Variants in DOCK2 observed in about 807,000 individuals in gnomAD.
DOCK2 encodes the protein dedicator of cytokinesis protein 2.
A neutral mutation model predicts 248.9 loss-of-function variants in DOCK2; 87 were observed. That is an observed-to-expected ratio of 0.35 (90% CI 0.29 to 0.42). The LOEUF (loss-of-function observed/expected upper bound fraction) is 0.42. Among genes scored for constraint, DOCK2 ranks in the 10% least tolerant of loss-of-function variants. The probability of loss-of-function intolerance (pLI) is 1.00; values close to 1 mark genes in which losing one functional copy is unlikely to be tolerated. For missense variants in DOCK2, 1,747 were observed against 2,300.2 expected (o/e 0.76, Z 4.92); for synonymous variants, 805 against 821.6 (o/e 0.98, Z 0.35).
At chr5:169,936,153 C>T (rs1006238724) in intron 27 of DOCK2, among the ~76,000 whole-genome samples, 1 of 152,134 alleles carries the variant, frequency 6.6e-6, no homozygotes, top group Non-Finnish European at 1.5e-5. Flanking sequence ...AGATGGAGAA[C>T]AAAATCAACA....
intron 5 of DOCK2, among the ~76,000 whole-genome samples, chr5:169,673,176 A>G (rs897796626): frequency 5.3e-5 from 8 of 151,710 alleles, no homozygotes; most frequent in African/African-American, 1.9e-4. Flanking sequence ...TAATCATGTG[A>G]TTGGGGGTTT....
chr5:169,987,798 C>G (rs1428421134), intron 29 of DOCK2, among the ~76,000 whole-genome samples: 1 of 152,162 alleles, frequency 6.6e-6, no homozygotes, highest in Non-Finnish European at 1.5e-5. Context: ...ATTTGTATCT[C>G]TTAAGGGTCA....
chr5:169,837,295 A>G (rs1322681700), intron 26 of DOCK2, among the ~76,000 whole-genome samples: 1 of 152,216 alleles, frequency 6.6e-6, no homozygotes, highest in Non-Finnish European at 1.5e-5. Context: ...CCCAGAAGTC[A>G]CTTTCCTAGA....
chr5:169,673,986 T>C (rs1273004502), intron 5 of DOCK2, among the ~76,000 whole-genome samples: 1 of 152,214 alleles, frequency 6.6e-6, no homozygotes, highest in Non-Finnish European at 1.5e-5. Context: ...CTCTGGGACC[T>C]CCATTAGGGC....
At chr5:169,672,191 A>G (rs112895428) in intron 5 of DOCK2, among the ~76,000 whole-genome samples, 1,721 of 151,902 alleles carry the variant, frequency 0.011, 31 homozygotes, top group African/African-American at 0.038. Flanking sequence ...TATTTTTAGT[A>G]GAGATGGGGT....
chr5:169,907,115 A>G (rs995452324), intron 27 of DOCK2, among the ~76,000 whole-genome samples: 4 of 152,144 alleles, frequency 2.6e-5, no homozygotes, highest in East Asian at 1.9e-4. Context: ...GTTGAAATCA[A>G]TCGAAAGATA....
chr5:169,869,342 A>G (rs1387232119), intron 27 of DOCK2, among the ~76,000 whole-genome samples: 4 of 152,222 alleles, frequency 2.6e-5, no homozygotes, highest in African/African-American at 7.2e-5. Flanking sequence ...GTCTTGAACA[A>G]TTTAAAGGGG....
rs147728151 is a variant in DOCK2 at position 169,915,069 on chromosome 5, A to G, written c.2800-67999A>G. Among the ~76,000 whole-genome samples the G allele has an allele frequency of 1.1e-4, 17 of 152,342 alleles. 1 individual carries two copies. In the East Asian group the frequency reaches 3.3e-3, roughly 29 times the overall value. ...GACCAGCTGTCTTCACCCCAGAGCC[A>G]CTTAGAATCAATTCTAGGCCTTGAT... On this transcript the variant is annotated intron_variant, in intron 27 of 51. Transcript: ENST00000520908.
chr5:169,908,045 C>T (rs917991877), intron 27 of DOCK2, among the ~76,000 whole-genome samples: 8 of 152,160 alleles, frequency 5.3e-5, no homozygotes, highest in African/African-American at 1.9e-4. Context: ...TGTGATGGAA[C>T]AATTTAGATC....
intron 29 of DOCK2, among the ~76,000 whole-genome samples, chr5:169,988,234 T>C (rs1778118935): frequency 6.6e-6 from 1 of 152,308 alleles, no homozygotes. Context: ...ACATGAAATG[T>C]TCTCACTATT....
intron 14 of DOCK2, among the ~76,000 whole-genome samples, chr5:169,707,508 T>A (rs1761339088): frequency 2.0e-5 from 3 of 152,226 alleles, no homozygotes. Flanking sequence ...CATGACGTGT[T>A]CCCTAATGTT....
At chr5:169,852,499 G>C (rs1289065851) in intron 27 of DOCK2, among the ~76,000 whole-genome samples, 1 of 152,188 alleles carries the variant, frequency 6.6e-6, no homozygotes, top group Non-Finnish European at 1.5e-5. Context: ...TCCTCAAGAA[G>C]GGAGGAGGTC....
At chr5:170,073,549 A>G (rs910674809) in intron 46 of DOCK2, among the ~76,000 whole-genome samples, 1 of 152,226 alleles carries the variant, frequency 6.6e-6, no homozygotes, top group South Asian at 2.1e-4. Flanking sequence ...GAGAATGGCT[A>G]TCTTCTCATC....
intron 2 of DOCK2, among the ~76,000 whole-genome samples, chr5:169,668,263 C>T (rs757538844): frequency 6.6e-6 from 1 of 152,156 alleles, no homozygotes. Context: ...TTCCAACCTC[C>T]CTTTCTTCCT....
chr5:169,785,733 G>A (rs1447363630), intron 25 of DOCK2, among the ~76,000 whole-genome samples: 1 of 152,140 alleles, frequency 6.6e-6, no homozygotes, highest in Non-Finnish European at 1.5e-5. Context: ...TTATGGTTTG[G>A]CTAAGATGAG....
chr5:169,816,984 C>T (rs756544583), intron 26 of DOCK2, among the ~76,000 whole-genome samples: 1 of 152,162 alleles, frequency 6.6e-6, no homozygotes, highest in Non-Finnish European at 1.5e-5. Context: ...GTTTGGCTTG[C>T]AGAATTATTT....
rs1399738277 is a variant in DOCK2, at chr5:169,698,390, C to T, written c.996C>T (p.Asp332=). The T allele has an allele frequency of 1.2e-6, 2 of 1,614,042 alleles. No individual in the cohort carries two copies. The highest frequency in any genetic ancestry group is 8.5e-7 in the Non-Finnish European group (1 of 1,179,894). The change falls in exon 11 of 52, where the codon GAC becomes GAT. Residue 332 remains aspartate (D), a synonymous_variant. Coordinates refer to ENST00000520908, the MANE Select transcript of DOCK2 (RefSeq NM_004946.3). ...PFGVAVMDIT[D]IIKGKAESDE... ...TCTTTCTAGTTATGGATATAACAGA[C>T]ATCATCAAGGGGAAAGCAGAGAGTG...
intron 23 of DOCK2, among the ~76,000 whole-genome samples, chr5:169,759,330 G>T (rs528396723): frequency 1.3e-5 from 2 of 152,136 alleles, no homozygotes; most frequent in African/African-American, 2.4e-5. Flanking sequence ...TTTAATCTTC[G>T]CAATCCTTCA....
At chr5:170,052,029 G>A (rs1176536429) in intron 41 of DOCK2, among the ~76,000 whole-genome samples, 1 of 152,154 alleles carries the variant, frequency 6.6e-6, no homozygotes, top group Non-Finnish European at 1.5e-5. Context: ...CAAGGATAGG[G>A]CCAACTGCTG....
Sources: allele counts gnomAD v4.1 joint callset (sites outside exome capture counted in the v4.1 genomes callset), GRCh38; gene constraint gnomAD v4.1.1; transcripts MANE v1.5; gene names NCBI Gene and HGNC (gene_info 2026-07-23, HGNC 2026-07-21).